SH3GL2: variants seen among roughly 807,000 people sequenced by gnomAD.
The protein encoded by SH3GL2 is SH3 domain containing GRB2 like 2, endophilin A1.
SH3GL2 carries 24 observed loss-of-function variants against 46.0 expected under a neutral mutation model. That is an observed-to-expected ratio of 0.52 (90% CI 0.38 to 0.73). The LOEUF (loss-of-function observed/expected upper bound fraction) is 0.73. SH3GL2 is among the 30% of genes least tolerant of loss of function. The pLI is 0.00. For synonymous variants in SH3GL2, 196 were observed against 147.1 expected (o/e 1.33, Z -2.40); for missense variants, 413 against 424.2 (o/e 0.97, Z 0.23).
At chr9:17,713,504 A>C (rs7045894) in intron 1 of SH3GL2, among the ~76,000 whole-genome samples, 97,341 of 150,580 alleles carry the variant, frequency 0.65, 32,511 homozygotes, top group African/African-American at 0.81. Context: ...TGAGACTTTT[A>C]TTCTTTTCTA....
At chr9:17,757,828 A>C (rs911279404) in intron 2 of SH3GL2, among the ~76,000 whole-genome samples, 4 of 152,208 alleles carry the variant, frequency 2.6e-5, no homozygotes, top group African/African-American at 7.2e-5. Context: ...TTACTAAGAG[A>C]ATATGTACTT....
At chr9:17,626,202 C>G (rs940039155) in intron 1 of SH3GL2, among the ~76,000 whole-genome samples, 4 of 152,198 alleles carry the variant, frequency 2.6e-5, no homozygotes, top group Non-Finnish European at 4.4e-5. Context: ...CTGACCTCCA[C>G]CTGGCACCTG....
chr9:17,679,161 C>A (rs557719530), intron 1 of SH3GL2, among the ~76,000 whole-genome samples: 1 of 152,218 alleles, frequency 6.6e-6, no homozygotes, highest in South Asian at 2.1e-4. Flanking sequence ...TTTTCCAATT[C>A]TGTGAAGAAA....
rs529391684 is a variant in SH3GL2 at position 17,650,536 on chromosome 9, TA to T, written c.45+71251del. Reference sequence around the variant, plus strand: ...ACAGGCGTGTGCCACCACGCCTGGCTAATTTTTGTATTTTTAGTAGAGACAG... The same window carrying T: ...ACAGGCGTGTGCCACCACGCCTGGCTATTTTTGTATTTTTAGTAGAGACAG... On this transcript the variant is annotated intron_variant, in intron 1 of 8. Coordinates refer to ENST00000380607, the MANE Select transcript of SH3GL2 (RefSeq NM_003026.5). Among the ~76,000 whole-genome samples the T allele has an allele frequency of 2.4e-4, 36 of 152,144 alleles. 1 individual carries two copies. The South Asian group carries it at 7.1e-3, about 30-fold the overall frequency.
In SH3GL2 at chr9:17,791,273, C is replaced by G. The variant is rs1380198537; in HGVS notation, c.667C>G (p.Leu223Val). ...SQLSALVQAQ[L>V]EYHKQAVQIL... The stretch of plus-strand genomic sequence containing the variant: ...GCTCTCTGCACTTGTGCAAGCTCAG[C>G]TGGAGTACCACAAGCAGGCAGTCCA... Residue 223 changes from leucine (L) to valine (V), a missense_variant, in exon 7 of 9, where the codon CTG becomes GTG. Transcript: ENST00000380607. 3.7e-6 allele frequency: 6 copies of G among 1,613,764 alleles called. No individual in the cohort carries two copies. The East Asian group carries it at 1.1e-4, about 30-fold the overall frequency.
chr9:17,655,773 A>T (rs1820060223), intron 1 of SH3GL2, among the ~76,000 whole-genome samples: 1 of 152,116 alleles, frequency 6.6e-6, no homozygotes, highest in South Asian at 2.1e-4. Flanking sequence ...AACATGTCTG[A>T]TCCATGTAGT....
In SH3GL2 at chr9:17,618,572, A is replaced by G. The variant is rs1475504177; in HGVS notation, c.45+39285A>G. On this transcript the variant is annotated intron_variant, in intron 1 of 8. Coordinates refer to ENST00000380607, the MANE Select transcript of SH3GL2 (RefSeq NM_003026.5). Reference sequence around the variant, plus strand: ...ACCTTGCCTGTGTTGATGTAAAGGTATTTATAGTCTTTATTTACCTGGTTT... The same window carrying G: ...ACCTTGCCTGTGTTGATGTAAAGGTGTTTATAGTCTTTATTTACCTGGTTT... Among the ~76,000 whole-genome samples the G allele has an allele frequency of 1.3e-5, 2 of 152,172 alleles. 1 individual carries two copies. Among genetic ancestry groups the G allele is most frequent in the Non-Finnish European group, 2.9e-5 (2 of 68,030 alleles).
intron 2 of SH3GL2, among the ~76,000 whole-genome samples, chr9:17,748,157 T>G (rs982266239): frequency 2.0e-5 from 3 of 152,130 alleles, no homozygotes; most frequent in Non-Finnish European, 4.4e-5. Context: ...AGCCATATTT[T>G]CGCTTTTACT....
intron 3 of SH3GL2, among the ~76,000 whole-genome samples, chr9:17,768,479 G>T (rs955452561): frequency 2.0e-5 from 3 of 151,506 alleles, no homozygotes; most frequent in African/African-American, 4.9e-5. Context: ...GGCACCTCAC[G>T]TGAATAGTCC....
At chr9:17,758,397 C>T (rs1823065193) in intron 2 of SH3GL2, among the ~76,000 whole-genome samples, 1 of 151,130 alleles carries the variant, frequency 6.6e-6, no homozygotes, top group African/African-American at 2.4e-5. Context: ...CCCGTCTCTA[C>T]CAAAAAATAC....
At position 17,789,398 on chromosome 9, in the gene SH3GL2, C is replaced by T. The variant is rs549429762; in HGVS notation, c.472C>T (p.Leu158=). 10 of 1,613,028 alleles carry T rather than the reference C, an allele frequency of 6.2e-6. No individual in the cohort carries two copies. In the African/African-American group the frequency reaches 1.3e-4, roughly 22 times the overall value. Residue 158 remains leucine (L), a synonymous_variant, in exon 6 of 9, where the codon CTA becomes TTA. Transcript: ENST00000380607. ...CTGCCCTTGACTTTTGCAGCATCAT[C>T]TAAAGAAGTTGGAGGGTCGACGCCT... ...DKDLREIQHH[L]KKLEGRRLDF...
In SH3GL2 at chr9:17,795,294, G is replaced by A. The variant is rs551954639; in HGVS notation, c.860-250G>A. Among the ~76,000 whole-genome samples the A allele has an allele frequency of 5.2e-4, 79 of 152,264 alleles. 2 individuals carry two copies. Among genetic ancestry groups the A allele is most frequent in the African/African-American group, 1.9e-3 (78 of 41,542 alleles). On this transcript the variant is annotated intron_variant, in intron 8 of 8. Coordinates refer to ENST00000380607, the MANE Select transcript of SH3GL2 (RefSeq NM_003026.5). ...AATAGATGTGACTGTTTTTCATACT[G>A]GAAACAGAAACAGGAATATGCAGCA...
At chr9:17,685,535 A>G (rs1351615805) in intron 1 of SH3GL2, among the ~76,000 whole-genome samples, 2 of 152,068 alleles carry the variant, frequency 1.3e-5, no homozygotes, top group African/African-American at 4.8e-5. Flanking sequence ...CATTATTAGA[A>G]TTGTGGGAAG....
intron 1 of SH3GL2, among the ~76,000 whole-genome samples, chr9:17,682,206 C>G (rs151147477): frequency 6.6e-6 from 1 of 152,052 alleles, no homozygotes; most frequent in Non-Finnish European, 1.5e-5. Context: ...AATCCCATTA[C>G]TAGATATATA....
At chr9:17,593,559 A>G (rs2134550964) in intron 1 of SH3GL2, among the ~76,000 whole-genome samples, 1 of 152,332 alleles carries the variant, frequency 6.6e-6, no homozygotes, top group East Asian at 1.9e-4. Context: ...CAAGGACACA[A>G]GAATGTACCA....
chr9:17,774,107 C>T (rs1034306426), intron 3 of SH3GL2, among the ~76,000 whole-genome samples: 1 of 151,972 alleles, frequency 6.6e-6, no homozygotes, highest in African/African-American at 2.4e-5. Flanking sequence ...TGTTCGTTGT[C>T]AGTGTATAGA....
At chr9:17,775,199 T>C (rs1335301526) in intron 3 of SH3GL2, among the ~76,000 whole-genome samples, 2 of 152,184 alleles carry the variant, frequency 1.3e-5, no homozygotes, top group Admixed American at 1.3e-4. Context: ...GCTAGCTAAA[T>C]GTTTGTCAAT....
chr9:17,600,497 A>C (rs1156989555), intron 1 of SH3GL2, among the ~76,000 whole-genome samples: 1 of 152,182 alleles, frequency 6.6e-6, no homozygotes, highest in African/African-American at 2.4e-5. Context: ...AACAGTTTTA[A>C]TAAAGCTTTA....
chr9:17,787,539 G>C, intron 5 of SH3GL2, 26 bp downstream of exon 5: 1 of 1,601,724 alleles, frequency 6.2e-7, no homozygotes, highest in Non-Finnish European at 8.5e-7. Context: ...CTTCTGGAAA[G>C]TGGGCAGTTG....
Sources: gnomAD v4.1 joint callset for allele counts (sites outside exome capture counted in the v4.1 genomes callset) on GRCh38, gnomAD v4.1.1 for gene constraint, MANE v1.5 for transcripts, NCBI Gene and HGNC (gene_info 2026-07-23, HGNC 2026-07-21) for gene names.